The following GALNT13 variants were observed in gnomAD, a reference collection of about 807,000 sequenced individuals.
GALNT13 encodes polypeptide N-acetylgalactosaminyltransferase 13, also known as UDP-GalNAc:polypeptide N-acetylgalactosaminyltransferase 13.
Under a neutral mutation model 64.2 loss-of-function variants are expected in GALNT13, and 28 were observed. The ratio of observed to expected loss-of-function variants is 0.44; its 90% CI spans 0.32 to 0.60. The LOEUF is 0.60. Ranked by LOEUF, GALNT13 falls within the 20% of genes least tolerant of loss-of-function variation. GALNT13 has a pLI of 0.05. For synonymous variants in GALNT13, 214 were observed against 224.6 expected, an observed-to-expected ratio of 0.95 and a Z score of 0.42; for missense variants, 577 against 669.8, an observed-to-expected ratio of 0.86 and a Z score of 1.53.
At chr2:153,576,624 G>C in the GALNT13 span, among the ~76,000 whole-genome samples, 6 of 152,178 alleles carry the variant, frequency 3.9e-5, no homozygotes, top group African/African-American at 1.2e-4. Context: ...CCCTGCTGGG[G>C]GTTGGGGAAG....
chr2:154,404,132 T>C (rs930427003), intron 10 of GALNT13, among the ~76,000 whole-genome samples: 5 of 152,200 alleles, frequency 3.3e-5, no homozygotes, highest in African/African-American at 4.8e-5. Context: ...CTTCAGTTCC[T>C]ATTTTGTATC....
chr2:153,166,341 A>G, the GALNT13 span, among the ~76,000 whole-genome samples: 1,146 of 152,278 alleles, frequency 7.5e-3, 22 homozygotes, highest in African/African-American at 0.027. Flanking sequence ...TCTATGGACT[A>G]ATTTCCTGGT....
At chr2:153,509,593 T>C in the GALNT13 span, among the ~76,000 whole-genome samples, 1 of 152,266 alleles carries the variant, frequency 6.6e-6, no homozygotes, top group African/African-American at 2.4e-5. Flanking sequence ...AAAAGTGTTA[T>C]TGTAGATGGT....
the GALNT13 span, among the ~76,000 whole-genome samples, chr2:153,126,150 T>C: frequency 5.9e-5 from 9 of 151,806 alleles, no homozygotes; most frequent in Admixed American, 5.9e-4. Context: ...ATAATTTTGT[T>C]CTCTTGAGGG....
chr2:154,249,294 A>G lies in GALNT13; in HGVS notation c.857+3312A>G, dbSNP rs77502464. Among the ~76,000 whole-genome samples the G allele has an allele frequency of 3.1e-3, 478 of 152,326 alleles. 3 individuals are homozygous for G. The highest frequency in any genetic ancestry group is 0.01 in the African/African-American group (429 of 41,570). On this transcript the variant is annotated intron_variant, in intron 7 of 12. Coordinates refer to ENST00000392825, the MANE Select transcript of GALNT13 (RefSeq NM_052917.4). ...AAGTTCTGCACATACAAGCATGGAT[A>G]AGGCTACCTATGCTGTAAAGTTGCT...
At chr2:153,378,287 GATA>G in the GALNT13 span, among the ~76,000 whole-genome samples, 1 of 147,408 alleles carries the variant, frequency 6.8e-6, no homozygotes, top group Non-Finnish European at 1.5e-5. Context: ...TAGATAGATA[GATA>G]GATAGATAGA....
the GALNT13 span, among the ~76,000 whole-genome samples, chr2:153,389,947 A>T: frequency 6.6e-6 from 1 of 152,146 alleles, no homozygotes; most frequent in Non-Finnish European, 1.5e-5. Flanking sequence ...ATGACCCAGC[A>T]ATCCCATTAC....
chr2:154,273,704 G>C (rs777887929), intron 8 of GALNT13, among the ~76,000 whole-genome samples: 1 of 152,074 alleles, frequency 6.6e-6, no homozygotes, highest in Non-Finnish European at 1.5e-5. Context: ...TTTCAAGTTT[G>C]TAAGCTGTAC....
chr2:153,928,580 A>G (rs1690307447), intron 2 of GALNT13, among the ~76,000 whole-genome samples: 1 of 152,158 alleles, frequency 6.6e-6, no homozygotes, highest in South Asian at 2.1e-4. Flanking sequence ...GTGTTATAAG[A>G]TGAACACTGA....
At chr2:154,057,184 C>G (rs1389569724) in intron 3 of GALNT13, among the ~76,000 whole-genome samples, 1 of 152,008 alleles carries the variant, frequency 6.6e-6, no homozygotes, top group African/African-American at 2.4e-5. Context: ...AGTGTGCCAC[C>G]ACACCTGGCT....
At chr2:153,159,925 C>G in the GALNT13 span, among the ~76,000 whole-genome samples, 2 of 152,310 alleles carry the variant, frequency 1.3e-5, 1 homozygote, top group East Asian at 3.9e-4. Context: ...TTCTCATCCT[C>G]CTTACTCCAC....
the GALNT13 span, among the ~76,000 whole-genome samples, chr2:153,178,853 AGTCTCCCGAGTAGCT>A: frequency 4.8e-5 from 4 of 83,244 alleles, no homozygotes; most frequent in Non-Finnish European, 1.0e-4. Flanking sequence ...CTCCTGCCTC[AGTCTCCCGAGTAGCT>A]GGACCAGAGG....
chr2:153,816,764 C>T, the GALNT13 span, among the ~76,000 whole-genome samples: 2 of 152,190 alleles, frequency 1.3e-5, no homozygotes, highest in Admixed American at 6.5e-5. Flanking sequence ...GTCAGTCTTA[C>T]TGCTTGGTCC....
At chr2:153,095,978 A>G in the GALNT13 span, among the ~76,000 whole-genome samples, 1 of 152,176 alleles carries the variant, frequency 6.6e-6, no homozygotes, top group Non-Finnish European at 1.5e-5. Context: ...TGGCACATGT[A>G]TAGATATGTA....
intron 3 of GALNT13, among the ~76,000 whole-genome samples, chr2:154,134,812 C>CA (rs1486122456): frequency 6.6e-6 from 1 of 152,062 alleles, no homozygotes; most frequent in Non-Finnish European, 1.5e-5. Flanking sequence ...GCCAACATGG[C>CA]AAAACCCAGT....
the GALNT13 span, among the ~76,000 whole-genome samples, chr2:153,287,339 G>T: frequency 0.36 from 55,416 of 152,098 alleles, 11,896 homozygotes; most frequent in Non-Finnish European, 0.5. Flanking sequence ...CACTCTCAGT[G>T]TTGCCCTCTG....
At chr2:154,179,117 C>T (rs533914438) in intron 4 of GALNT13, among the ~76,000 whole-genome samples, 2 of 152,248 alleles carry the variant, frequency 1.3e-5, no homozygotes, top group South Asian at 4.1e-4. Context: ...ACAAAATTAT[C>T]CCTGTCTCTG....
chr2:153,264,845 A>C, the GALNT13 span, among the ~76,000 whole-genome samples: 1 of 152,160 alleles, frequency 6.6e-6, no homozygotes, highest in East Asian at 1.9e-4. Context: ...TGCTGGGCTT[A>C]ATACCTAGGT....
At chr2:154,372,746 T>A (rs766615764) in intron 9 of GALNT13, among the ~76,000 whole-genome samples, 1 of 152,204 alleles carries the variant, frequency 6.6e-6, no homozygotes, top group Non-Finnish European at 1.5e-5. Flanking sequence ...GTAGTGAAAT[T>A]GTCTGTGATT....
Sources: gnomAD v4.1 joint callset for allele counts (sites outside exome capture counted in the v4.1 genomes callset) on GRCh38, gnomAD v4.1.1 for gene constraint, MANE v1.5 for transcripts, NCBI Gene and HGNC (gene_info 2026-07-23, HGNC 2026-07-21) for gene names.